Variants in MAST4 observed in about 807,000 individuals in gnomAD.
MAST4 encodes the protein microtubule associated serine/threonine kinase family member 4.
MAST4 carries 89 observed loss-of-function variants against 162.7 expected under a neutral mutation model. The ratio of observed to expected loss-of-function variants is 0.55; its 90% CI spans 0.46 to 0.65. The LOEUF (loss-of-function observed/expected upper bound fraction) is 0.65. MAST4 is among the 30% of genes least tolerant of loss of function. The pLI is 0.00. For synonymous variants in MAST4, 1,479 were observed against 1,361.1 expected (o/e 1.09, Z -1.91); for missense variants, 3,153 against 3,374.0 (o/e 0.93, Z 1.62).
At chr5:66,717,637 A>G (rs943966525) in intron 1 of MAST4, among the ~76,000 whole-genome samples, 14 of 152,228 alleles carry the variant, frequency 9.2e-5, no homozygotes, top group African/African-American at 3.4e-4. Flanking sequence ...TGGCTTTGCT[A>G]CTGTTTCCCT....
At chr5:66,647,375 C>T (rs1745911195) in intron 1 of MAST4, among the ~76,000 whole-genome samples, 2 of 152,196 alleles carry the variant, frequency 1.3e-5, no homozygotes, top group African/African-American at 4.8e-5. Flanking sequence ...TTGAGTACGA[C>T]ATCAAAACAT....
chr5:67,067,803 A>G (rs1343129942), intron 5 of MAST4, among the ~76,000 whole-genome samples: 2 of 152,196 alleles, frequency 1.3e-5, no homozygotes, highest in African/African-American at 4.8e-5. Context: ...AGGGAGAGGC[A>G]AGGGTGATCT....
intron 3 of MAST4, among the ~76,000 whole-genome samples, chr5:66,898,984 G>A (rs1479298549): frequency 1.3e-5 from 2 of 152,126 alleles, no homozygotes; most frequent in African/African-American, 4.8e-5. Context: ...TGAAGCTGAT[G>A]GGGAAATACC....
chr5:67,000,747 T>TG (rs1751188488), intron 4 of MAST4, among the ~76,000 whole-genome samples: 2 of 111,000 alleles, frequency 1.8e-5, no homozygotes, highest in South Asian at 3.4e-4. Flanking sequence ...AAACTCTGTC[T>TG]AAAAAAAAAG....
intron 1 of MAST4, among the ~76,000 whole-genome samples, chr5:66,601,467 A>G (rs1456466228): frequency 6.6e-6 from 1 of 152,228 alleles, no homozygotes; most frequent in Non-Finnish European, 1.5e-5. Context: ...CAAATGGGGA[A>G]CAGGCTGTGA....
chr5:66,682,819 C>T (rs1748416267), intron 1 of MAST4, among the ~76,000 whole-genome samples: 1 of 152,206 alleles, frequency 6.6e-6, no homozygotes, highest in Non-Finnish European at 1.5e-5. Context: ...CTTATATGAT[C>T]CTCAGCCTCC....
intron 3 of MAST4, among the ~76,000 whole-genome samples, chr5:66,855,215 T>A (rs1450406804): frequency 6.6e-6 from 1 of 152,112 alleles, no homozygotes; most frequent in Non-Finnish European, 1.5e-5. Context: ...TGAGCTTTTG[T>A]GGGATCTGAT....
In MAST4 at chr5:67,149,385, A is replaced by G. The variant is rs776437442; in HGVS notation, c.3095-4A>G. ...AATGTGTTTATCCCTTCTTCTTTGTACAGTTGGCAGTTTTTCAGAGCACTT... is the reference window on the plus strand; with the variant it reads ...AATGTGTTTATCCCTTCTTCTTTGTGCAGTTGGCAGTTTTTCAGAGCACTT... On this transcript the variant is annotated splice_polypyrimidine_tract_variant and splice_region_variant and intron_variant, in intron 23 of 28. Transcript: ENST00000403625. 6.2e-7 allele frequency: 1 copy of G among 1,610,804 alleles called. No homozygotes were observed. The highest frequency in any genetic ancestry group is 1.1e-5 in the South Asian group (1 of 90,180).
At chr5:66,993,130 C>T (rs1750234197) in intron 4 of MAST4, among the ~76,000 whole-genome samples, 1 of 152,156 alleles carries the variant, frequency 6.6e-6, no homozygotes, top group African/African-American at 2.4e-5. Context: ...GCCTGAATAT[C>T]ATGGACTTTT....
chr5:66,986,850 A>C (rs1581115377), intron 4 of MAST4, among the ~76,000 whole-genome samples: 1 of 152,096 alleles, frequency 6.6e-6, no homozygotes, highest in East Asian at 1.9e-4. Flanking sequence ...GGCCTCAAGC[A>C]ATGCTCCCAC....
intron 1 of MAST4, among the ~76,000 whole-genome samples, chr5:66,743,201 CTTCT>C (rs2149576860): frequency 6.6e-6 from 1 of 152,306 alleles, no homozygotes; most frequent in Non-Finnish European, 1.5e-5. Flanking sequence ...ACAGCCTTTT[CTTCT>C]TTCTTTTGTT....
intron 4 of MAST4, among the ~76,000 whole-genome samples, chr5:66,998,663 C>A (rs1750936850): frequency 6.6e-6 from 1 of 152,154 alleles, no homozygotes; most frequent in African/African-American, 2.4e-5. Flanking sequence ...TTCCCCTGCC[C>A]ACCCCTTCAC....
chr5:66,911,347 G>T (rs1477172724), intron 4 of MAST4, among the ~76,000 whole-genome samples: 1 of 152,142 alleles, frequency 6.6e-6, no homozygotes, highest in Non-Finnish European at 1.5e-5. Flanking sequence ...GCAAATGGTG[G>T]CAGGAACCTG....
chr5:66,914,429 G>A (rs139437266), intron 4 of MAST4, among the ~76,000 whole-genome samples: 1 of 152,346 alleles, frequency 6.6e-6, no homozygotes, highest in Non-Finnish European at 1.5e-5. Flanking sequence ...AAGGGACGTA[G>A]TTGGGTGGGT....
chr5:66,749,429 A>G (rs1169923111), intron 1 of MAST4, among the ~76,000 whole-genome samples: 1 of 152,238 alleles, frequency 6.6e-6, no homozygotes, highest in Non-Finnish European at 1.5e-5. Flanking sequence ...TATGAGCATT[A>G]CAGCCTGAAA....
chr5:66,776,634 T>C (rs1316489874), intron 2 of MAST4, among the ~76,000 whole-genome samples: 1 of 152,120 alleles, frequency 6.6e-6, no homozygotes, highest in East Asian at 1.9e-4. Flanking sequence ...GACTAAATAA[T>C]AATGAAAAAT....
Position 66,959,861 on chromosome 5 carries a change from G to GT in MAST4, c.674+59890dup, listed in dbSNP as rs563842060. On this transcript the variant is annotated intron_variant, in intron 4 of 28. Transcript: ENST00000403625. Reference sequence around the variant, plus strand: ...AGTTGAGCTGTGTGTTTGCTTAGCTGTTTTTTTTTTTAACCCATTAACTCA... The same window carrying GT: ...AGTTGAGCTGTGTGTTTGCTTAGCTGTTTTTTTTTTTTAACCCATTAACTCA... Among the ~76,000 whole-genome samples the GT allele has an allele frequency of 9.8e-3, 1,438 of 146,966 alleles. 16 individuals are homozygous for GT. Among genetic ancestry groups the GT allele is most frequent in the African/African-American group, 0.032 (1,307 of 40,356 alleles).
At chr5:67,020,640 A>G (rs1300131444) in intron 4 of MAST4, among the ~76,000 whole-genome samples, 1 of 152,202 alleles carries the variant, frequency 6.6e-6, no homozygotes, top group African/African-American at 2.4e-5. Flanking sequence ...CTTCTCATGT[A>G]GTAGAAAGGG....
intron 1 of MAST4, among the ~76,000 whole-genome samples, 172 bp downstream of exon 1, chr5:66,597,190 T>C (rs1052569376): frequency 2.0e-5 from 3 of 152,140 alleles, no homozygotes; most frequent in Admixed American, 6.5e-5. Flanking sequence ...CCCCTGTGGG[T>C]TATTGACTTC....
Sources: gnomAD v4.1 joint callset for allele counts (sites outside exome capture counted in the v4.1 genomes callset) on GRCh38, gnomAD v4.1.1 for gene constraint, MANE v1.5 for transcripts, NCBI Gene and HGNC (gene_info 2026-07-23, HGNC 2026-07-21) for gene names.